Variants in FLII observed in about 807,000 individuals in gnomAD.
FLII encodes protein flightless-1 homolog.
A neutral mutation model predicts 156.2 loss-of-function variants in FLII; 101 were observed. The observed-to-expected ratio is 0.65, with a 90% CI of 0.55 to 0.76. The LOEUF (loss-of-function observed/expected upper bound fraction) is 0.76, where lower values mean the gene tolerates loss of function less well. Among genes scored for constraint, FLII ranks in the 30% least tolerant of loss-of-function variants. The pLI, the probability that FLII is intolerant of heterozygous loss-of-function variation, is 0.00. For synonymous variants in FLII, 767 were observed against 685.8 expected (o/e 1.12, Z -1.85); for missense variants, 1,675 against 1,682.8 (o/e 1.00, Z 0.08).
intron 13 of FLII, 119 bp downstream of exon 13, chr17:18,251,146 C>A: frequency 1.4e-6 from 2 of 1,406,870 alleles, no homozygotes; most frequent in Non-Finnish European, 9.7e-7. Flanking sequence ...TGGACCACCT[C>A]CTGCAGCCTG....
At position 18,258,490 on chromosome 17, in the gene FLII, A is replaced by G; in HGVS notation, c.63+138T>C. ...TCGGAGGTCCATTCCTGGCCAGGGGAGAGCCCCACCCCGCCCCGGCCGCAG... is the reference window on the plus strand; with the variant it reads ...TCGGAGGTCCATTCCTGGCCAGGGGGGAGCCCCACCCCGCCCCGGCCGCAG... On this transcript the variant is annotated intron_variant, in intron 1 of 29. Transcript: ENST00000327031. This position sits in a 1 kb window ranked among gnomAD's most constrained non-coding sequence, Gnocchi z 4.2. 1 of 1,505,048 alleles carries G rather than the reference A, an allele frequency of 6.6e-7. No homozygotes were observed. The highest frequency in any genetic ancestry group is 2.1e-5 in the Admixed American group (1 of 48,096). The allele number at this position is 1,505,048 out of a possible 1,614,324, so 93.2% of individuals were successfully genotyped here. A position where few individuals can be genotyped will look rare whatever the true frequency, so the allele number is the denominator to read the frequency against.
chr17:18,246,539 GA>G, intron 23 of FLII, 54 bp downstream of exon 23: 2 of 1,612,030 alleles, frequency 1.2e-6, no homozygotes, highest in Non-Finnish European at 8.5e-7. Flanking sequence ...CGCTGGGTCT[GA>G]GCCCCACCAC....
chr17:18,246,391 G>A lies in FLII; in HGVS notation c.3123C>T (p.His1041=). The A allele has an allele frequency of 6.2e-7, 1 of 1,614,030 alleles. No individual in the cohort carries two copies. The highest frequency in any genetic ancestry group is 8.5e-7 in the Non-Finnish European group (1 of 1,180,000). The part of the protein sequence containing the change: ...LSHFKRKFII[H]RGKRKAVQGA... Reference sequence around the variant, plus strand: ...CCTGGACCGCCTTCCTCTTGCCCCGGTGGATGATGAACTTCCTCTTGAAAT... The same window carrying A: ...CCTGGACCGCCTTCCTCTTGCCCCGATGGATGATGAACTTCCTCTTGAAAT... Residue 1041 remains histidine, a synonymous_variant, in exon 24 of 30, where the codon CAC becomes CAT. Coordinates refer to ENST00000327031, the MANE Select transcript of FLII (RefSeq NM_002018.4).
intron 28 of FLII, 46 bp from the exon 29 acceptor site, chr17:18,245,465 C>T (rs371652758): frequency 2.4e-5 from 38 of 1,612,744 alleles, no homozygotes; most frequent in Middle Eastern, 1.6e-4. Flanking sequence ...TGCCTGGGAA[C>T]AGCCCCTTGC....
rs2048009575 is a variant in FLII, at chr17:18,245,536, G to A, written c.3609+19C>T. On this transcript the variant is annotated intron_variant, in intron 28 of 29. Coordinates refer to ENST00000327031, the MANE Select transcript of FLII (RefSeq NM_002018.4). Reference sequence around the variant, plus strand: ...ATGGGCGCCTCCTTGGATGGGCAGGGCTAGTGGCAACATCACACCTCTTGG... The same window carrying A: ...ATGGGCGCCTCCTTGGATGGGCAGGACTAGTGGCAACATCACACCTCTTGG... 6.2e-7 allele frequency: 1 copy of A among 1,611,508 alleles called. No individual in the cohort carries two copies. The highest frequency in any genetic ancestry group is 8.5e-7 in the Non-Finnish European group (1 of 1,177,986).
In FLII at chr17:18,252,089, C is replaced by G. The variant is rs2048290123; in HGVS notation, c.1156G>C (p.Ala386Pro). The change falls in exon 11 of 30, where the codon GCC (alanine) becomes CCC (proline). Residue 386 changes from alanine (A) to proline (P), a missense_variant. By Grantham distance (27) the Ala-to-Pro change is conservative (BLOSUM62 -1). This residue lies in a region of FLII where 1,332 missense variants were observed against 1,269.3 expected (regional missense o/e 1.05). Coordinates refer to ENST00000327031, the MANE Select transcript of FLII (RefSeq NM_002018.4). ...AAGTCGATGTTGTACCACTCAGCGG[C>G]ACGGTCTGCGGGCTTGGGCGGCATG... ...LVMPPKPADR[A>P]AEWYNIDFSL... The G allele has an allele frequency of 6.2e-7, 1 of 1,613,468 alleles. No homozygotes were observed. Among genetic ancestry groups the G allele is most frequent in the African/African-American group, 1.3e-5 (1 of 75,078 alleles).
intron 7 of FLII, 95 bp downstream of exon 7, chr17:18,253,984 T>C (rs1453397044): frequency 1.1e-6 from 1 of 932,540 alleles, no homozygotes; most frequent in Admixed American, 2.7e-5. Flanking sequence ...CCTCTGGGTA[T>C]TGGTCCGAAG....
chr17:18,245,048 G>GTGGT lies in FLII; in HGVS notation c.*86_*89dup, dbSNP rs761422711. On this transcript the variant is annotated 3_prime_UTR_variant, in exon 30 of 30. Transcript: ENST00000327031. Reference sequence around the variant, plus strand: ...GTGGCACTGGACGTGGCTGGAGCAGGTGGTGTCACCTGAGTACATTCTTTG... The same window carrying GTGGT: ...GTGGCACTGGACGTGGCTGGAGCAGGTGGTTGGTGTCACCTGAGTACATTCTTTG... The GTGGT allele has an allele frequency of 1.1e-5, 16 of 1,427,478 alleles. No individual in the cohort carries two copies. The Admixed American group carries it at 2.8e-4, about 25-fold the overall frequency. The allele number at this position is 1,427,478 out of a possible 1,614,324, so 88.4% of individuals were successfully genotyped here.
At chr17:18,251,562 T>C in intron 12 of FLII, 85 bp from the exon 13 acceptor site, 1 of 1,569,934 alleles carries the variant, frequency 6.4e-7, no homozygotes, top group East Asian at 2.2e-5. Context: ...TCAGGGCCTT[T>C]GCACAGCTGT....
intron 18 of FLII, 113 bp from the exon 19 acceptor site, chr17:18,248,146 C>G (rs1311366683): frequency 1.5e-6 from 1 of 673,492 alleles, no homozygotes; most frequent in Admixed American, 2.9e-5. Flanking sequence ...CTGACTGCTT[C>G]TGTTTCCCCC....
At chr17:18,249,552 G>T in intron 14 of FLII, 144 bp from the exon 15 acceptor site, 1 of 672,862 alleles carries the variant, frequency 1.5e-6, no homozygotes, top group East Asian at 2.7e-5. Context: ...CACTTCAGGA[G>T]TCTGAGGTGG....
intron 14 of FLII, among the ~76,000 whole-genome samples, 174 bp downstream of exon 14, chr17:18,250,664 G>A (rs1043218714): frequency 2.6e-5 from 4 of 152,120 alleles, no homozygotes; most frequent in Non-Finnish European, 5.9e-5. Flanking sequence ...GGCCACCTTA[G>A]ACCTCACCCT....
chr17:18,250,440 C>A (rs2048224088), intron 14 of FLII, among the ~76,000 whole-genome samples: 1 of 152,178 alleles, frequency 6.6e-6, no homozygotes, highest in African/African-American at 2.4e-5. Flanking sequence ...CCGCCCTTGG[C>A]CCCACCTCCT....
rs200694495 is a variant in FLII at position 18,251,760 on chromosome 17, C to T, written c.1303G>A (p.Asp435Asn). The stretch of plus-strand genomic sequence containing the variant: ...TTGGCCTGGTCATCCTGGGCTGAAT[C>T]CTTGCGCCTCCGCAGTCGCATCTTG... ...ARKMRLRRRK[D>N]SAQDDQAKQV... The change falls in exon 12 of 30, where the codon GAT becomes AAT. Residue 435 changes from aspartate (D) to asparagine (N), a missense_variant. Transcript: ENST00000327031. The T allele has an allele frequency of 1.2e-5, 20 of 1,613,962 alleles. No homozygotes were observed. The highest frequency in any genetic ancestry group is 1.4e-5 in the Non-Finnish European group (17 of 1,180,028).
intron 11 of FLII, 90 bp from the exon 12 acceptor site, chr17:18,251,906 G>A: frequency 1.2e-6 from 2 of 1,605,098 alleles, no homozygotes; most frequent in South Asian, 1.1e-5. Context: ...ACCCACCAGG[G>A]TCCAGAAAGC....
intron 13 of FLII, 61 bp from the exon 14 acceptor site, chr17:18,251,078 C>A (rs1419446050): frequency 1.0e-4 from 157 of 1,543,794 alleles, no homozygotes. Flanking sequence ...ACCCCGGAGA[C>A]GCCACTCTGA....
At position 18,245,225 on chromosome 17, in the gene FLII, C is replaced by T. The variant is rs1443759823; in HGVS notation, c.3723G>A (p.Arg1241=). 6.2e-7 allele frequency: 1 copy of T among 1,613,884 alleles called. No individual in the cohort carries two copies. Among genetic ancestry groups the T allele is most frequent in the East Asian group, 2.2e-5 (1 of 44,880 alleles). ...CATTGCCCTTGCGGACCAGGCGCAG[C>T]CGGCGCGGCCGCTCATGTTCCTTGG... ...MRSKEHERPR[R]LRLVRKGNEQ... is the part of the protein sequence containing the mutation. Residue 1241 remains arginine, a synonymous_variant, in exon 30 of 30, where the codon CGG becomes CGA. Transcript: ENST00000327031.
Position 18,246,379 on chromosome 17 carries a change from C to T in FLII, c.3135G>A (p.Arg1045=), listed in dbSNP as rs1401896254. ...GCTGTTGGGCGCCCTGGACCGCCTT[C>T]CTCTTGCCCCGGTGGATGATGAACT... is the stretch of plus-strand genomic sequence containing the variant. ...KRKFIIHRGK[R]KAVQGAQQPS... The change falls in exon 24 of 30, where the codon AGG becomes AGA. Residue 1045 remains arginine, a synonymous_variant. Transcript: ENST00000327031. The T allele has an allele frequency of 1.9e-6, 3 of 1,613,864 alleles. No individual in the cohort carries two copies. Among genetic ancestry groups the T allele is most frequent in the Admixed American group, 3.3e-5 (2 of 60,010 alleles).
chr17:18,254,304 G>A, intron 6 of FLII, 122 bp from the exon 7 acceptor site: 1 of 866,664 alleles, frequency 1.2e-6, no homozygotes, highest in Non-Finnish European at 1.7e-6. Context: ...ACATCTGGTT[G>A]AAGGGACAAG....
Sources: allele counts gnomAD v4.1 joint callset (sites outside exome capture counted in the v4.1 genomes callset), GRCh38; gene constraint gnomAD v4.1.1; regional missense constraint gnomAD v4.1.1; non-coding constraint Gnocchi (gnomAD v3.1); transcripts MANE v1.5; gene names NCBI Gene and HGNC (gene_info 2026-07-23, HGNC 2026-07-21).